ANK3: variants seen among roughly 807,000 people sequenced by gnomAD.
ANK3 encodes the protein ankyrin-3.
In ANK3, 57 loss-of-function variants were observed where a neutral mutation model predicts 370.9. The ratio of observed to expected loss-of-function variants is 0.15; its 90% CI spans 0.12 to 0.19. The LOEUF (loss-of-function observed/expected upper bound fraction) is 0.19, where lower values mean the gene tolerates loss of function less well. ANK3 is among the 10% of genes least tolerant of loss of function. ANK3 has a pLI of 1.00. For missense variants in ANK3, 4,439 were observed against 5,302.1 expected (o/e 0.84, Z 5.06); for synonymous variants, 1,929 against 1,946.3 (o/e 0.99, Z 0.23).
At chr10:60,095,368 G>A (rs1287591073) in intron 28 of ANK3, among the ~76,000 whole-genome samples, 1 of 152,134 alleles carries the variant, frequency 6.6e-6, no homozygotes, top group African/African-American at 2.4e-5. Context: ...ACTGGTTATT[G>A]TTTGTTCTTT....
intron 18 of ANK3, among the ~76,000 whole-genome samples, chr10:60,177,653 A>C (rs2096012482): frequency 7.7e-6 from 1 of 129,302 alleles, no homozygotes; most frequent in Non-Finnish European, 1.5e-5. Context: ...GCTGGAGTGC[A>C]GTGGTGCGAC....
chr10:60,247,593 T>A (rs78843521), intron 7 of ANK3, among the ~76,000 whole-genome samples: 5 of 152,244 alleles, frequency 3.3e-5, no homozygotes, highest in African/African-American at 9.6e-5. Context: ...ATATTATAGA[T>A]ACCTGTGTTA....
chr10:60,554,208 A>AT (rs2077156868), intron 2 of ANK3, among the ~76,000 whole-genome samples: 2 of 151,948 alleles, frequency 1.3e-5, no homozygotes. Flanking sequence ...TATGCTTTTT[A>AT]TTTTTTTCAT....
intron 42 of ANK3, among the ~76,000 whole-genome samples, chr10:60,045,756 G>T (rs937932125): frequency 6.6e-6 from 1 of 152,206 alleles, no homozygotes; most frequent in African/African-American, 2.4e-5. Flanking sequence ...AAAAGATAGT[G>T]GCTCTGATAA....
At chr10:60,357,601 G>A (rs897869056) in intron 1 of ANK3, among the ~76,000 whole-genome samples, 8 of 152,012 alleles carry the variant, frequency 5.3e-5, no homozygotes, top group Non-Finnish European at 1.2e-4. Flanking sequence ...TGCTGACTGG[G>A]CATACTTCAA....
At chr10:60,702,217 G>A (rs891028296) in intron 1 of ANK3, among the ~76,000 whole-genome samples, 9 of 150,690 alleles carry the variant, frequency 6.0e-5, no homozygotes, top group Admixed American at 6.0e-4. Context: ...AAAAAGCTGT[G>A]ATTTCGCCAC....
chr10:60,122,567 C>T (rs2093549573), intron 25 of ANK3, among the ~76,000 whole-genome samples: 1 of 152,252 alleles, frequency 6.6e-6, no homozygotes, highest in East Asian at 1.9e-4. Flanking sequence ...GTTTTGTGAT[C>T]ATTAGCAGAT....
intron 4 of ANK3, among the ~76,000 whole-genome samples, chr10:60,274,885 G>T (rs915216584): frequency 6.6e-6 from 1 of 152,140 alleles, no homozygotes; most frequent in Non-Finnish European, 1.5e-5. Flanking sequence ...ATTTAGTTAT[G>T]ATTCTAGAGA....
chr10:60,166,368 T>G (rs2095624298), intron 23 of ANK3, among the ~76,000 whole-genome samples: 1 of 152,212 alleles, frequency 6.6e-6, no homozygotes, highest in Non-Finnish European at 1.5e-5. Context: ...GACACTTTTA[T>G]ATTTTAAAGT....
At chr10:60,489,328 A>T (rs867884572) in intron 2 of ANK3, among the ~76,000 whole-genome samples, 1 of 152,182 alleles carries the variant, frequency 6.6e-6, no homozygotes, top group Non-Finnish European at 1.5e-5. Context: ...AGACTAATAC[A>T]CTAGACATAG....
At chr10:60,486,767 TA>T (rs767777656) in intron 2 of ANK3, among the ~76,000 whole-genome samples, 1 of 151,872 alleles carries the variant, frequency 6.6e-6, no homozygotes. Flanking sequence ...TATATTAAAA[TA>T]AACTAAACTA....
At chr10:60,372,694 T>C (rs1168807943) in intron 1 of ANK3, among the ~76,000 whole-genome samples, 2 of 152,190 alleles carry the variant, frequency 1.3e-5, no homozygotes, top group African/African-American at 4.8e-5. Flanking sequence ...GGCCCCGGCT[T>C]ACTGACCTCA....
intron 1 of ANK3, among the ~76,000 whole-genome samples, chr10:60,299,616 A>G (rs907809166): frequency 2.5e-4 from 38 of 152,212 alleles, no homozygotes; most frequent in Non-Finnish European, 5.9e-5. Flanking sequence ...CATGATCTAC[A>G]TAGCATTAGG....
At chr10:60,363,562 C>G (rs2058954737) in intron 1 of ANK3, among the ~76,000 whole-genome samples, 1 of 152,214 alleles carries the variant, frequency 6.6e-6, no homozygotes, top group African/African-American at 2.4e-5. Flanking sequence ...ACGACCCTTT[C>G]TAGGTTGGGG....
chr10:60,522,348 T>TA, intron 2 of ANK3, among the ~76,000 whole-genome samples: 1 of 150,668 alleles, frequency 6.6e-6, no homozygotes, highest in Non-Finnish European at 1.5e-5. Context: ...TATTGAGACT[T>TA]TTTTTTTTTT....
At chr10:60,601,053 T>A (rs1032694735) in intron 2 of ANK3, among the ~76,000 whole-genome samples, 3 of 152,132 alleles carry the variant, frequency 2.0e-5, no homozygotes, top group African/African-American at 7.2e-5. Flanking sequence ...TTGGGAAATA[T>A]CTTTTGGAAC....
intron 1 of ANK3, among the ~76,000 whole-genome samples, chr10:60,389,069 C>T (rs10994325): frequency 0.02 from 3,086 of 152,202 alleles, 99 homozygotes; most frequent in African/African-American, 0.069. Flanking sequence ...CTGGCCTCTC[C>T]CTCTAACCCA....
chr10:60,049,642 A>G (rs2077562321), intron 42 of ANK3, among the ~76,000 whole-genome samples: 4 of 152,160 alleles, frequency 2.6e-5, no homozygotes, highest in South Asian at 2.1e-4. Context: ...AACCTACAAC[A>G]TTATAGTGGA....
chr10:60,067,911 C>A, intron 38 of ANK3, 24 bp downstream of exon 38: 1 of 1,550,340 alleles, frequency 6.5e-7, no homozygotes, highest in South Asian at 1.2e-5. Flanking sequence ...CTAATTTGTT[C>A]CATTCAGGAG....
Sources: allele counts gnomAD v4.1 joint callset (sites outside exome capture counted in the v4.1 genomes callset), GRCh38; gene constraint gnomAD v4.1.1; transcripts MANE v1.5; gene names NCBI Gene and HGNC (gene_info 2026-07-23, HGNC 2026-07-21).